Variants in TMC7 observed in about 807,000 individuals in gnomAD.
TMC7 encodes transmembrane channel-like protein 7.
Under a neutral mutation model 82.9 loss-of-function variants are expected in TMC7, and 54 were observed. That is an observed-to-expected ratio of 0.65 (90% CI 0.52 to 0.82). TMC7 has a LOEUF of 0.82. Ranked by LOEUF, TMC7 falls within the 40% of genes least tolerant of loss-of-function variation. The pLI, the probability that TMC7 is intolerant of heterozygous loss-of-function variation, is 0.00. For synonymous variants in TMC7, 350 were observed against 337.9 expected (o/e 1.04, Z -0.39); for missense variants, 820 against 901.2 (o/e 0.91, Z 1.15).
intron 2 of TMC7, among the ~76,000 whole-genome samples, chr16:19,011,645 G>T (rs1465145381): frequency 6.6e-6 from 1 of 152,074 alleles, no homozygotes; most frequent in Non-Finnish European, 1.5e-5. Context: ...CAAGCCCAGG[G>T]CTAGGAGGGC....
intron 12 of TMC7, among the ~76,000 whole-genome samples, chr16:19,048,333 C>G (rs7192799): frequency 0.018 from 2,698 of 152,128 alleles, 75 homozygotes; most frequent in African/African-American, 0.061. Flanking sequence ...GGTTCACAGT[C>G]CATTGCACCA....
At chr16:19,059,530 G>A (rs1961912874) in intron 15 of TMC7, 36 bp downstream of exon 15, 1 of 1,614,126 alleles carries the variant, frequency 6.2e-7, no homozygotes, top group Non-Finnish European at 8.5e-7. Context: ...CATGGCTGGG[G>A]ACATTTACCC....
Position 19,016,776 on chromosome 16 carries a change from G to A in TMC7, c.460+178G>A, listed in dbSNP as rs533863809. Among the ~76,000 whole-genome samples the A allele has an allele frequency of 1.4e-4, 21 of 152,286 alleles. No individual in the cohort carries two copies. The South Asian group carries it at 3.9e-3, about 29-fold the overall frequency. ...TGTGACTTTGTCACCAGGAAAAATC[G>A]TGGATATTTTCCTGTCCCTTCCAGT... On this transcript the variant is annotated intron_variant, in intron 3 of 15. Transcript: ENST00000304381.
rs566421089 is a variant in TMC7, at chr16:19,012,714, A to G, written c.311+3299A>G. ...TGAGGCAGGAGAATCACTTGAACCC[A>G]GGAGGCGGAGGTTGCAGTGAGCCAA... On this transcript the variant is annotated intron_variant, in intron 2 of 15. Coordinates refer to ENST00000304381, the MANE Select transcript of TMC7 (RefSeq NM_024847.4). Among the ~76,000 whole-genome samples the G allele has an allele frequency of 1.7e-3, 232 of 138,882 alleles. 1 individual carries two copies. Among genetic ancestry groups the G allele is most frequent in the Non-Finnish European group, 2.5e-3 (163 of 65,964 alleles). 91.1% of individuals were successfully genotyped at this position (138,882 alleles called of 152,430 possible).
At chr16:19,044,814 G>A in intron 9 of TMC7, 70 bp from the exon 10 acceptor site, 7 of 660,148 alleles carry the variant, frequency 1.1e-5, no homozygotes, top group Non-Finnish European at 1.3e-5. Context: ...ACATTCCCTA[G>A]CCCCAGTTCC....
rs774877692 is a variant in TMC7 at position 19,009,299 on chromosome 16, T to A, written c.195T>A (p.Thr65=). ...ATTCCCGGGACAAGCAAAGCGGAAC[T>A]TTGCTAAAGCCAACCGACTCTTACA... The part of the protein sequence containing the change: ...TVHSRDKQSG[T]LLKPTDSYSS... Residue 65 remains threonine, a synonymous_variant, in exon 2 of 16, where the codon ACT becomes ACA. Coordinates refer to ENST00000304381, the MANE Select transcript of TMC7 (RefSeq NM_024847.4). 1 of 1,614,176 alleles carries A rather than the reference T, an allele frequency of 6.2e-7. No individual in the cohort carries two copies. Among genetic ancestry groups the A allele is most frequent in the Non-Finnish European group, 8.5e-7 (1 of 1,180,036 alleles).
chr16:19,002,344 C>G (rs2039156271), intron 1 of TMC7, among the ~76,000 whole-genome samples: 1 of 149,800 alleles, frequency 6.7e-6, no homozygotes, highest in African/African-American at 2.5e-5. Context: ...TCAAGTGATT[C>G]TCCTGCCTCA....
At chr16:19,045,525 T>G in intron 11 of TMC7, 87 bp downstream of exon 11, 1 of 921,468 alleles carries the variant, frequency 1.1e-6, no homozygotes, top group South Asian at 1.4e-5. Flanking sequence ...AGGGTCCCAT[T>G]GCAGCTGCAT....
chr16:18,984,449 GA>G lies in TMC7; in HGVS notation c.67+320del, dbSNP rs1596704254. 5.1e-6 allele frequency: 6 copies of G among 1,166,500 alleles called. No individual in the cohort carries two copies. In the East Asian group the frequency reaches 2.6e-4, roughly 51 times the overall value. The allele number at this position is 1,166,500 out of a possible 1,614,324, so 72.3% of individuals were successfully genotyped here. ...AGCCTCATCTGCTGTTAAATGAAAG[GA>G]TTTGAGCACCCCCTCCACGCCTAAC... On this transcript the variant is annotated intron_variant, in intron 1 of 15. Transcript: ENST00000304381.
rs117937521 is a variant in TMC7 at position 19,022,229 on chromosome 16, G to C, written c.628+433G>C. Among the ~76,000 whole-genome samples the C allele has an allele frequency of 8.7e-3, 1,330 of 152,330 alleles. 38 individuals carry two copies. Among genetic ancestry groups the C allele is most frequent in the East Asian group, 0.058 (299 of 5,190 alleles). Reference sequence around the variant, plus strand: ...AATAGTGAAGGAAACATTAGAAGTAGAAGGAGAAAGAGATGTTACTGTATT... The same window carrying C: ...AATAGTGAAGGAAACATTAGAAGTACAAGGAGAAAGAGATGTTACTGTATT... On this transcript the variant is annotated intron_variant, in intron 4 of 15. Coordinates refer to ENST00000304381, the MANE Select transcript of TMC7 (RefSeq NM_024847.4).
chr16:19,059,876 C>T (rs931881965), intron 15 of TMC7: 27 of 503,616 alleles, frequency 5.4e-5, no homozygotes, highest in Non-Finnish European at 7.2e-5. Flanking sequence ...ACTTGGGAGG[C>T]TGAGGCAGGA....
chr16:18,992,474 T>A (rs994831385), intron 1 of TMC7, among the ~76,000 whole-genome samples: 1 of 152,164 alleles, frequency 6.6e-6, no homozygotes, highest in African/African-American at 2.4e-5. Flanking sequence ...TTTGTTTGAG[T>A]TCTTTGTAGA....
intron 9 of TMC7, among the ~76,000 whole-genome samples, chr16:19,043,387 A>T (rs892350431): frequency 1.3e-5 from 2 of 151,370 alleles, no homozygotes; most frequent in Non-Finnish European, 2.9e-5. Flanking sequence ...CTGATCTTTT[A>T]AAAAAATTGT....
intron 15 of TMC7, among the ~76,000 whole-genome samples, chr16:19,060,559 A>G (rs1026517935): frequency 5.9e-5 from 9 of 152,016 alleles, no homozygotes; most frequent in African/African-American, 2.2e-4. Flanking sequence ...GGTCCTATTT[A>G]AGGATGAAAG....
intron 12 of TMC7, among the ~76,000 whole-genome samples, chr16:19,048,619 C>T (rs942760204): frequency 1.3e-5 from 2 of 152,042 alleles, no homozygotes; most frequent in African/African-American, 4.8e-5. Flanking sequence ...GAGAGTTTCT[C>T]CATGTTGGTC....
chr16:19,045,892 G>A (rs964979234), intron 11 of TMC7, among the ~76,000 whole-genome samples: 18 of 151,740 alleles, frequency 1.2e-4, no homozygotes, highest in Non-Finnish European at 1.5e-4. Flanking sequence ...CACCGCGCCC[G>A]GCCAAGTTTT....
intron 1 of TMC7, among the ~76,000 whole-genome samples, chr16:18,986,303 G>T (rs1421682636): frequency 6.6e-6 from 1 of 151,464 alleles, no homozygotes; most frequent in African/African-American, 2.4e-5. Flanking sequence ...GCTGAGGCAG[G>T]AGAATCGCTT....
At chr16:19,003,056 G>A (rs1055284416) in intron 1 of TMC7, among the ~76,000 whole-genome samples, 1 of 152,194 alleles carries the variant, frequency 6.6e-6, no homozygotes, top group Admixed American at 6.5e-5. Flanking sequence ...GCAGGCCAAG[G>A]GTGGTGGCTT....
chr16:19,051,507 G>GT (rs1331635699), intron 12 of TMC7, among the ~76,000 whole-genome samples, 179 bp from the exon 13 acceptor site: 2 of 151,122 alleles, frequency 1.3e-5, no homozygotes, highest in Non-Finnish European at 1.5e-5. Context: ...GCGGTGTTTG[G>GT]TTTTTTGTCC....
Sources: allele counts gnomAD v4.1 joint callset (sites outside exome capture counted in the v4.1 genomes callset), GRCh38; gene constraint gnomAD v4.1.1; transcripts MANE v1.5; gene names NCBI Gene and HGNC (gene_info 2026-07-23, HGNC 2026-07-21).